CA1: variants seen among roughly 807,000 people sequenced by gnomAD.
CA1 encodes carbonic anhydrase 1, also known as carbonate dehydratase I.
A neutral mutation model predicts 28.8 loss-of-function variants in CA1; 27 were observed. The observed-to-expected ratio is 0.94, with a 90% CI of 0.69 to 1.29. CA1 has a LOEUF of 1.29. CA1 is among the 50% of genes most tolerant of loss of function. CA1 has a pLI of 0.00. For synonymous variants in CA1, 121 were observed against 108.8 expected, an observed-to-expected ratio of 1.11 and a Z score of -0.70; for missense variants, 335 against 310.5, an observed-to-expected ratio of 1.08 and a Z score of -0.59.
chr8:85,336,047 A>G (rs187739355), intron 4 of CA1, among the ~76,000 whole-genome samples: 1 of 152,326 alleles, frequency 6.6e-6, no homozygotes, highest in Non-Finnish European at 1.5e-5. Flanking sequence ...AGAAACCAAT[A>G]TAACAAAAAT....
intron 1 of CA1, among the ~76,000 whole-genome samples, chr8:85,352,849 AGAGATGGGGTTTTGC>A (rs1809465212): frequency 6.6e-6 from 1 of 152,080 alleles, no homozygotes. Flanking sequence ...TATTTTTAAT[AGAGATGGGGTTTTGC>A]CAAGTTGGAC....
intron 1 of CA1, among the ~76,000 whole-genome samples, chr8:85,376,384 G>A (rs567450248): frequency 4.6e-5 from 7 of 151,630 alleles, no homozygotes; most frequent in East Asian, 1.9e-4. Flanking sequence ...TAAGGGGGCC[G>A]GGCACGGTGC....
At chr8:85,375,863 T>G (rs530082433) in intron 1 of CA1, among the ~76,000 whole-genome samples, 1 of 152,192 alleles carries the variant, frequency 6.6e-6, no homozygotes. Context: ...GTAGATAGTG[T>G]TAATCACGTA....
At chr8:85,331,457 T>C (rs1808395832) in intron 6 of CA1, among the ~76,000 whole-genome samples, 1 of 151,920 alleles carries the variant, frequency 6.6e-6, no homozygotes, top group Non-Finnish European at 1.5e-5. Flanking sequence ...CAAAATTTAT[T>C]TATTTATTTA....
chr8:85,346,820 CA>C (rs200877844), intron 1 of CA1, among the ~76,000 whole-genome samples: 2,340 of 144,568 alleles, frequency 0.016, 59 homozygotes, highest in African/African-American at 0.052. Context: ...ACATAAGCCT[CA>C]AAAAAAAAAG....
At chr8:85,360,395 A>AACAAT (rs1446697576) in intron 1 of CA1, among the ~76,000 whole-genome samples, 1 of 152,250 alleles carries the variant, frequency 6.6e-6, no homozygotes, top group Non-Finnish European at 1.5e-5. Flanking sequence ...CTTTTTAGAA[A>AACAAT]ACAATACAAG....
At chr8:85,330,187 T>G (rs1808344104) in intron 6 of CA1, among the ~76,000 whole-genome samples, 1 of 152,138 alleles carries the variant, frequency 6.6e-6, no homozygotes, top group South Asian at 2.1e-4. Flanking sequence ...TTTTTTTCTC[T>G]AGGAATGATG....
At chr8:85,352,745 C>T (rs948860753) in intron 1 of CA1, among the ~76,000 whole-genome samples, 13 of 151,102 alleles carry the variant, frequency 8.6e-5, no homozygotes, top group Non-Finnish European at 1.6e-4. Flanking sequence ...CAGCTCACTG[C>T]AACCTCTGCC....
Position 85,332,570 on chromosome 8 carries a change from T to G in CA1, c.451-18A>C. On this transcript the variant is annotated intron_variant, in intron 5 of 7. Coordinates refer to ENST00000523022, the MANE Select transcript of CA1 (RefSeq NM_001128831.4). ...TCACCAACCTGGAGATTTAAGAAAA[T>G]AAAGTATGAGATAAAGATTATTATC... 6.3e-7 allele frequency: 1 copy of G among 1,591,730 alleles called. No individual in the cohort carries two copies. The highest frequency in any genetic ancestry group is 8.6e-7 in the Non-Finnish European group (1 of 1,160,158).
At chr8:85,364,893 G>A (rs534969351) in intron 1 of CA1, among the ~76,000 whole-genome samples, 2 of 152,312 alleles carry the variant, frequency 1.3e-5, no homozygotes, top group South Asian at 4.1e-4. Context: ...CAGCTGAGGG[G>A]CACGTGGAGA....
intron 4 of CA1, 58 bp from the exon 5 acceptor site, chr8:85,333,678 G>C: frequency 8.9e-7 from 1 of 1,117,622 alleles, no homozygotes; most frequent in Non-Finnish European, 1.3e-6. Flanking sequence ...AAAAAGATAA[G>C]TTATAAGTTA....
intron 1 of CA1, among the ~76,000 whole-genome samples, chr8:85,350,828 A>G (rs1809381324): frequency 6.6e-6 from 1 of 152,176 alleles, no homozygotes; most frequent in Non-Finnish European, 1.5e-5. Context: ...TCTTAGAACA[A>G]ATAGGGCTGA....
At chr8:85,361,766 G>A (rs186482185) in intron 1 of CA1, among the ~76,000 whole-genome samples, 108 of 152,322 alleles carry the variant, frequency 7.1e-4, no homozygotes, top group Non-Finnish European at 1.3e-3. Flanking sequence ...GGCTTACTAT[G>A]TGGAAACTCC....
At chr8:85,332,462 A>T in intron 6 of CA1, 28 bp downstream of exon 6, 1 of 1,540,820 alleles carries the variant, frequency 6.5e-7, no homozygotes. Flanking sequence ...TTGTTCTCTG[A>T]TTTAAACTAC....
chr8:85,331,016 T>C (rs1292175602), intron 6 of CA1, among the ~76,000 whole-genome samples: 1 of 152,210 alleles, frequency 6.6e-6, no homozygotes, highest in Non-Finnish European at 1.5e-5. Flanking sequence ...CTGGGCACTT[T>C]AGTTAACACT....
chr8:85,365,857 G>A (rs192135785), intron 1 of CA1, among the ~76,000 whole-genome samples: 2 of 152,254 alleles, frequency 1.3e-5, no homozygotes, highest in Non-Finnish European at 2.9e-5. Flanking sequence ...AAGGCCTAGG[G>A]ACCTCCAAAA....
At chr8:85,360,326 T>C (rs2645049) in intron 1 of CA1, among the ~76,000 whole-genome samples, 121,086 of 152,236 alleles carry the variant, frequency 0.8, 49,155 homozygotes, top group African/African-American at 0.93. Context: ...GCTGACCTTT[T>C]CCTGTCAATC....
intron 1 of CA1, among the ~76,000 whole-genome samples, chr8:85,368,803 A>G (rs764937489): frequency 2.6e-5 from 4 of 152,296 alleles, no homozygotes; most frequent in East Asian, 1.9e-4. Context: ...AGCACTGTGC[A>G]TCAGAGCCAG....
At chr8:85,357,660 G>A (rs1474232131) in intron 1 of CA1, among the ~76,000 whole-genome samples, 1 of 152,220 alleles carries the variant, frequency 6.6e-6, no homozygotes, top group Non-Finnish European at 1.5e-5. Context: ...AAGGGAAAAG[G>A]GGCAAGGCCC....
Sources: allele counts gnomAD v4.1 joint callset (sites outside exome capture counted in the v4.1 genomes callset), GRCh38; gene constraint gnomAD v4.1.1; transcripts MANE v1.5; gene names NCBI Gene and HGNC (gene_info 2026-07-23, HGNC 2026-07-21).